The following GRM8 variants were observed in gnomAD, a reference collection of about 807,000 sequenced individuals.
The protein encoded by GRM8 is metabotropic glutamate receptor 8.
A neutral mutation model predicts 87.2 loss-of-function variants in GRM8; 47 were observed. The ratio of observed to expected loss-of-function variants is 0.54; its 90% confidence interval spans 0.43 to 0.69. The LOEUF (loss-of-function observed/expected upper bound fraction) is 0.69. Ranked by LOEUF, GRM8 falls within the 30% of genes least tolerant of loss-of-function variation. The pLI, the probability that GRM8 is intolerant of heterozygous loss-of-function variation, is 0.00. For missense variants in GRM8, 1,019 were observed against 1,139.2 expected (o/e 0.89, Z 1.52); for synonymous variants, 396 against 404.5 (o/e 0.98, Z 0.25).
chr7:126,889,931 A>G (rs1195039478), intron 6 of GRM8, among the ~76,000 whole-genome samples: 2 of 152,056 alleles, frequency 1.3e-5, no homozygotes, highest in African/African-American at 4.8e-5. Flanking sequence ...ATGATAGAAA[A>G]TCCGATCCAA....
chr7:127,242,902 G>A lies in GRM8; in HGVS notation c.303C>T (p.Arg101=), dbSNP rs1202960255. 3 of 1,613,924 alleles carry A rather than the reference G, an allele frequency of 1.9e-6. No homozygotes were observed. In the Admixed American group the frequency reaches 5.0e-5, roughly 27 times the overall value. ...TGTCCCTAGAGCACGTGTCGAGGAT[G>A]CGGACACCCAGAGTGATGTTGGAAA... ...DLLSNITLGV[R]ILDTCSRDTY... Residue 101 remains arginine, a synonymous_variant, in exon 2 of 11, where the codon CGC becomes CGT. Transcript: ENST00000339582.
At chr7:126,715,305 T>C (rs1213874346) in intron 7 of GRM8, among the ~76,000 whole-genome samples, 1 of 152,172 alleles carries the variant, frequency 6.6e-6, no homozygotes, top group Non-Finnish European at 1.5e-5. Flanking sequence ...CTCACCACAA[T>C]AGCAGCAGCA....
intron 8 of GRM8, among the ~76,000 whole-genome samples, chr7:126,593,880 T>C (rs894207005): frequency 1.3e-5 from 2 of 151,918 alleles, no homozygotes; most frequent in Non-Finnish European, 2.9e-5. Context: ...AAATATATGA[T>C]ACTCAAACAG....
At chr7:126,730,049 C>T (rs918241930) in intron 7 of GRM8, among the ~76,000 whole-genome samples, 5 of 151,934 alleles carry the variant, frequency 3.3e-5, no homozygotes, top group African/African-American at 1.2e-4. Context: ...CAAAACACAT[C>T]GATCAAATAA....
chr7:126,476,716 T>C (rs780314015), intron 9 of GRM8, among the ~76,000 whole-genome samples: 2 of 152,086 alleles, frequency 1.3e-5, no homozygotes, highest in African/African-American at 4.8e-5. Flanking sequence ...AACTGTTAGA[T>C]TGGCTATTAT....
In GRM8 at chr7:126,770,001, A is replaced by G; in HGVS notation, c.1221T>C (p.Asp407=). 1.2e-6 allele frequency: 2 copies of G among 1,612,484 alleles called. No homozygotes were observed. Among genetic ancestry groups the G allele is most frequent in the Non-Finnish European group, 1.7e-6 (2 of 1,178,824 alleles). ...EQEGKVQFVI[D]AVYSMAYALH... ...GGGCGTAAGCCATGGAATATACAGC[A>G]TCAATTACAAATTGGACCTTTCCTT... The change falls in exon 7 of 11, where the codon GAT becomes GAC. Residue 407 remains aspartate (D), a synonymous_variant. Transcript: ENST00000339582.
chr7:126,495,728 A>G (rs1231901123), intron 9 of GRM8, among the ~76,000 whole-genome samples: 2 of 152,024 alleles, frequency 1.3e-5, no homozygotes, highest in African/African-American at 4.8e-5. Flanking sequence ...ACGAATGTGT[A>G]AAGATCAGCT....
At chr7:127,053,364 G>A (rs1259472520) in intron 3 of GRM8, among the ~76,000 whole-genome samples, 1 of 152,184 alleles carries the variant, frequency 6.6e-6, no homozygotes, top group Non-Finnish European at 1.5e-5. Context: ...GCCAGTCTCA[G>A]TCTAAGTTTT....
chr7:126,634,674 T>TC (rs1366679069), intron 7 of GRM8, among the ~76,000 whole-genome samples: 1 of 133,478 alleles, frequency 7.5e-6, no homozygotes, highest in African/African-American at 2.5e-5. Flanking sequence ...CCTTCCTTCC[T>TC]CCCCCCACCT....
chr7:127,122,501 A>G (rs1827143542), intron 2 of GRM8, among the ~76,000 whole-genome samples: 1 of 151,996 alleles, frequency 6.6e-6, no homozygotes. Flanking sequence ...AAAAAACAGG[A>G]AAACCTCTTA....
chr7:127,018,062 A>T (rs17867734), intron 3 of GRM8, among the ~76,000 whole-genome samples: 2,317 of 152,192 alleles, frequency 0.015, 29 homozygotes, highest in Middle Eastern at 0.027. Context: ...GCCTCAAGGA[A>T]TTTATAGCCT....
intron 2 of GRM8, among the ~76,000 whole-genome samples, chr7:127,133,426 C>A (rs1300252729): frequency 2.0e-5 from 3 of 150,116 alleles, no homozygotes; most frequent in South Asian, 2.1e-4. Flanking sequence ...TCAAAAAAAA[C>A]CACAACCCTG....
At chr7:127,059,631 C>T (rs922296336) in intron 3 of GRM8, among the ~76,000 whole-genome samples, 9 of 152,176 alleles carry the variant, frequency 5.9e-5, no homozygotes, top group South Asian at 2.1e-4. Flanking sequence ...CCACCGCGCC[C>T]GGCCCATATA....
chr7:126,515,762 T>G (rs1812079746), intron 9 of GRM8, among the ~76,000 whole-genome samples: 1 of 152,102 alleles, frequency 6.6e-6, no homozygotes, highest in African/African-American at 2.4e-5. Flanking sequence ...GCCTCCCTCT[T>G]CCATATCTGA....
chr7:126,718,183 G>C (rs1811969533), intron 7 of GRM8, among the ~76,000 whole-genome samples: 1 of 152,056 alleles, frequency 6.6e-6, no homozygotes, highest in Non-Finnish European at 1.5e-5. Context: ...CTTGCAGTGA[G>C]CCGAGATCAC....
At chr7:126,615,221 A>G (rs567971463) in intron 7 of GRM8, among the ~76,000 whole-genome samples, 127 of 152,330 alleles carry the variant, frequency 8.3e-4, no homozygotes, top group Non-Finnish European at 1.2e-3. Flanking sequence ...GCCAATATTC[A>G]ACATTCTTAA....
At chr7:126,785,881 C>G (rs559764089) in intron 6 of GRM8, among the ~76,000 whole-genome samples, 1 of 152,180 alleles carries the variant, frequency 6.6e-6, no homozygotes, top group African/African-American at 2.4e-5. Flanking sequence ...ATGTTATTTC[C>G]ACTCTCTGTT....
intron 2 of GRM8, chr7:127,229,558 T>C (rs1797553919): frequency 6.6e-6 from 1 of 152,238 alleles, no homozygotes; most frequent in African/African-American, 2.4e-5. Context: ...TTTAAAATTC[T>C]ATCCAGTGGT....
intron 9 of GRM8, among the ~76,000 whole-genome samples, chr7:126,471,704 G>A (rs1432612877): frequency 6.6e-6 from 1 of 151,872 alleles, no homozygotes; most frequent in Non-Finnish European, 1.5e-5. Flanking sequence ...GAACTTTAAA[G>A]TAGTTTCTTC....
Sources: gnomAD v4.1 joint callset for allele counts (sites outside exome capture counted in the v4.1 genomes callset) on GRCh38, gnomAD v4.1.1 for gene constraint, MANE v1.5 for transcripts, NCBI Gene and HGNC (gene_info 2026-07-23, HGNC 2026-07-21) for gene names.